Variants in TAFA5 observed in about 807,000 individuals in gnomAD.
The protein encoded by TAFA5 is chemokine-like protein TAFA-5.
In TAFA5, 6 loss-of-function variants were observed where a neutral mutation model predicts 15.3. That is an observed-to-expected ratio of 0.39 (90% CI 0.21 to 0.77). TAFA5 has a LOEUF of 0.77. Among genes scored for constraint, TAFA5 ranks in the 30% least tolerant of loss-of-function variants. The pLI, the probability that TAFA5 is intolerant of heterozygous loss-of-function variation, is 0.41. For missense variants in TAFA5, 161 were observed against 193.1 expected, an observed-to-expected ratio of 0.83 and a Z score of 0.98; for synonymous variants, 103 against 80.7, an observed-to-expected ratio of 1.28 and a Z score of -1.48.
intron 1 of TAFA5, among the ~76,000 whole-genome samples, chr22:48,519,370 G>A (rs185148161): frequency 4.7e-4 from 71 of 152,364 alleles, no homozygotes; most frequent in Non-Finnish European, 7.6e-4. Flanking sequence ...GCGCAATCGC[G>A]TAGTCGCAGG....
At chr22:48,704,535 C>T (rs1349933821) in intron 2 of TAFA5, among the ~76,000 whole-genome samples, 4 of 152,166 alleles carry the variant, frequency 2.6e-5, no homozygotes, top group East Asian at 3.9e-4. Flanking sequence ...GGTTGGTGGA[C>T]GTGCAGCAGG....
chr22:48,489,569 C>T lies in TAFA5; in HGVS notation c.-24C>T, dbSNP rs747531380. 7 of 1,388,014 alleles carry T rather than the reference C, an allele frequency of 5.0e-6. No homozygotes were observed. Among genetic ancestry groups the T allele is most frequent in the Admixed American group, 2.6e-5 (1 of 38,548 alleles). 86.0% of individuals were successfully genotyped at this position (1,388,014 alleles called of 1,614,324 possible). A position where few individuals can be genotyped will look rare whatever the true frequency, so the allele number is the denominator to read the frequency against. ...CCGGCTGCTGAGACGCGCTGCTGCCCCCCGCGCGGGCGCCGCGGCTTCAAT... is the reference window on the plus strand; with the variant it reads ...CCGGCTGCTGAGACGCGCTGCTGCCTCCCGCGCGGGCGCCGCGGCTTCAAT... On this transcript the variant is annotated 5_prime_UTR_variant, in exon 1 of 4. Transcript: ENST00000402357. The surrounding 1 kb of genome is among the most constrained non-coding windows in gnomAD (Gnocchi z 5.5).
chr22:48,508,136 G>A (rs1921073596), intron 1 of TAFA5, among the ~76,000 whole-genome samples: 1 of 152,162 alleles, frequency 6.6e-6, no homozygotes, highest in Non-Finnish European at 1.5e-5. Context: ...TGATGCGTGG[G>A]CCACTGTTTC....
At chr22:48,652,177 G>A (rs991973021) in intron 2 of TAFA5, among the ~76,000 whole-genome samples, 7 of 152,234 alleles carry the variant, frequency 4.6e-5, no homozygotes, top group African/African-American at 1.4e-4. Flanking sequence ...CTGGGACTAG[G>A]GTGACGGGAA....
At chr22:48,575,972 G>A (rs1569031127) in intron 1 of TAFA5, among the ~76,000 whole-genome samples, 1 of 143,042 alleles carries the variant, frequency 7.0e-6, no homozygotes, top group African/African-American at 2.5e-5. Context: ...AGGAGGAGGA[G>A]GAAGGCGACG....
chr22:48,583,230 A>T (rs558535332), intron 1 of TAFA5, among the ~76,000 whole-genome samples: 7 of 149,124 alleles, frequency 4.7e-5, no homozygotes, highest in South Asian at 4.3e-4. Context: ...CATACAAAAT[A>T]CACCACACAC....
chr22:48,745,217 C>T (rs1024187711), intron 3 of TAFA5, among the ~76,000 whole-genome samples: 3 of 151,892 alleles, frequency 2.0e-5, no homozygotes, highest in Admixed American at 2.0e-4. Context: ...GTCCAGGGTT[C>T]ACCCTGAGCA....
At chr22:48,748,559 T>G (rs1930393063) in intron 3 of TAFA5, among the ~76,000 whole-genome samples, 1 of 152,212 alleles carries the variant, frequency 6.6e-6, no homozygotes, top group Non-Finnish European at 1.5e-5. Context: ...GGGGCTGTTC[T>G]GTCCCCGGGG....
chr22:48,533,966 C>G (rs952222667), intron 1 of TAFA5, among the ~76,000 whole-genome samples: 1 of 152,138 alleles, frequency 6.6e-6, no homozygotes, highest in East Asian at 1.9e-4. Flanking sequence ...GTCAGCACCC[C>G]AAAGTTAGCA....
At chr22:48,695,939 C>T (rs906540081) in intron 2 of TAFA5, among the ~76,000 whole-genome samples, 2 of 152,176 alleles carry the variant, frequency 1.3e-5, no homozygotes, top group Non-Finnish European at 2.9e-5. Context: ...TCCTGCTGAC[C>T]ACCACACAGA....
intron 1 of TAFA5, among the ~76,000 whole-genome samples, chr22:48,568,221 C>T (rs1166682014): frequency 6.6e-6 from 1 of 152,240 alleles, no homozygotes; most frequent in East Asian, 1.9e-4. Context: ...GCACCTTCCC[C>T]CTGCCCTGGC....
At chr22:48,655,737 C>CTG (rs1233545456) in intron 2 of TAFA5, among the ~76,000 whole-genome samples, 1 of 151,896 alleles carries the variant, frequency 6.6e-6, no homozygotes, top group East Asian at 1.9e-4. Context: ...AGCAGGTCCC[C>CTG]TGAGCGCTCT....
chr22:48,646,859 C>T (rs535856846), intron 2 of TAFA5, 113 bp downstream of exon 2: 4 of 1,315,926 alleles, frequency 3.0e-6, no homozygotes, highest in East Asian at 2.6e-5. Context: ...TCAGCGCATC[C>T]TCGGGTCAGG....
At chr22:48,599,108 C>G (rs895549116) in intron 1 of TAFA5, among the ~76,000 whole-genome samples, 1 of 152,196 alleles carries the variant, frequency 6.6e-6, no homozygotes, top group Non-Finnish European at 1.5e-5. Flanking sequence ...TTGCTACCTT[C>G]CCCCCATCTT....
chr22:48,605,329 G>A lies in TAFA5; in HGVS notation c.113-41268G>A, dbSNP rs1268121458. On this transcript the variant is annotated intron_variant, in intron 1 of 3. Coordinates refer to ENST00000402357, the MANE Select transcript of TAFA5 (RefSeq NM_001082967.3). The stretch of plus-strand genomic sequence containing the variant: ...TGATGATGGTGGTGATGGTGATGAT[G>A]GTGATGATGGTGATGGCGATGGTGA... Among the ~76,000 whole-genome samples, 3 of 138,556 alleles carry A rather than the reference G, an allele frequency of 2.2e-5. No individual in the cohort carries two copies. The East Asian group carries it at 6.5e-4, about 30-fold the overall frequency. The allele number at this position is 138,556 out of a possible 152,430, so 90.9% of individuals were successfully genotyped here.
chr22:48,555,036 G>A (rs1441994771), intron 1 of TAFA5, among the ~76,000 whole-genome samples: 1 of 152,218 alleles, frequency 6.6e-6, no homozygotes, highest in Non-Finnish European at 1.5e-5. Flanking sequence ...AGAGAAGGCT[G>A]TTCCAGTGGC....
intron 1 of TAFA5, among the ~76,000 whole-genome samples, chr22:48,636,263 G>A (rs1427637045): frequency 3.9e-5 from 6 of 152,202 alleles, no homozygotes. Flanking sequence ...GGGCAGCCTG[G>A]GCCCGACGCT....
intron 1 of TAFA5, among the ~76,000 whole-genome samples, chr22:48,599,338 A>T (rs1924879960): frequency 6.6e-6 from 1 of 151,876 alleles, no homozygotes; most frequent in Admixed American, 6.6e-5. Context: ...GACACTTTCC[A>T]CTCTGGAGAT....
At chr22:48,494,623 C>T (rs1928263616) in intron 1 of TAFA5, among the ~76,000 whole-genome samples, 1 of 152,202 alleles carries the variant, frequency 6.6e-6, no homozygotes, top group Non-Finnish European at 1.5e-5. Context: ...TCTCCACTGA[C>T]AAGGGCCCCC....
Sources: gnomAD v4.1 joint callset for allele counts (sites outside exome capture counted in the v4.1 genomes callset) on GRCh38, gnomAD v4.1.1 for gene constraint, Gnocchi (gnomAD v3.1) non-coding constraint, MANE v1.5 for transcripts, NCBI Gene and HGNC (gene_info 2026-07-23, HGNC 2026-07-21) for gene names.